CYP2D6: variants seen among roughly 807,000 people sequenced by gnomAD.
The protein encoded by CYP2D6 is cytochrome P450 family 2 subfamily D member 6 (gene/pseudogene).
In CYP2D6, 51 loss-of-function variants were observed where a neutral mutation model predicts 43.5. The observed-to-expected ratio is 1.17, with a 90% CI of 0.94 to 1.48. The LOEUF (loss-of-function observed/expected upper bound fraction) is 1.48. CYP2D6 is among the 40% of genes most tolerant of loss of function. The pLI, the probability that CYP2D6 is intolerant of heterozygous loss-of-function variation, is 0.00. For synonymous variants in CYP2D6, 346 were observed against 297.1 expected (o/e 1.16, Z -1.69); for missense variants, 698 against 688.0 (o/e 1.01, Z -0.16).
rs752195166 is a variant in CYP2D6 at position 42,128,977 on chromosome 22, T to G, written c.506-33A>C. The stretch of plus-strand genomic sequence containing the variant: ...TGGGAGATGCGGGTAAGGGGTCGCC[T>G]TCCCCGTCCCCCGCCTTCCCAGTTC... On this transcript the variant is annotated intron_variant, in intron 3 of 8. Coordinates refer to ENST00000645361, the MANE Select transcript of CYP2D6 (RefSeq NM_000106.6). The G allele has an allele frequency of 1.6e-5, 25 of 1,583,862 alleles. No homozygotes were observed. The South Asian group carries it at 1.6e-4, about 10-fold the overall frequency.
intron 7 of CYP2D6, 75 bp downstream of exon 7, chr22:42,127,372 C>T (rs1931089200): frequency 7.4e-7 from 1 of 1,342,296 alleles, no homozygotes; most frequent in Non-Finnish European, 1.1e-6. Flanking sequence ...AGAGTGGGCC[C>T]ACCTGGCAGT....
rs764192883 is a variant in CYP2D6, at chr22:42,129,820, C to A, written c.270G>T (p.Ala90=). The A allele has an allele frequency of 1.2e-6, 2 of 1,602,272 alleles. 1 individual carries two copies. Among genetic ancestry groups the A allele is most frequent in the South Asian group, 2.2e-5 (2 of 90,680 alleles). The change falls in exon 2 of 9, where the codon GCG becomes GCT. Residue 90 remains alanine, a synonymous_variant. Transcript: ENST00000645361. ...CGGTGTCCTCGCCGTGGGTCACCAG[C>A]GCCTCGCGCACGGCCGCCAGCCCAT... The part of the protein sequence containing the change: ...VLNGLAAVRE[A]LVTHGEDTAD...
At position 42,128,198 on chromosome 22, in the gene CYP2D6, C is replaced by T. The variant is rs79441454; in HGVS notation, c.819G>A (p.Glu273=). ...DPAQPPRDLT[E]AFLAEMEKAK... ...CCTTCTCCATCTCTGCCAGGAAGGCCTCAGTCAGGTCTCGGGGGGGCTGGG... is the reference window on the plus strand; with the variant it reads ...CCTTCTCCATCTCTGCCAGGAAGGCTTCAGTCAGGTCTCGGGGGGGCTGGG... Residue 273 remains glutamate (E), a synonymous_variant, in exon 5 of 9, where the codon GAG becomes GAA. Coordinates refer to ENST00000645361, the MANE Select transcript of CYP2D6 (RefSeq NM_000106.6). The T allele has an allele frequency of 8.7e-6, 14 of 1,608,802 alleles. No homozygotes were observed. Among genetic ancestry groups the T allele is most frequent in the Middle Eastern group, 1.6e-4 (1 of 6,074 alleles).
At chr22:42,129,523 G>A (rs1931668197) in intron 2 of CYP2D6, 3 of 753,628 alleles carry the variant, frequency 4.0e-6, no homozygotes, top group African/African-American at 1.7e-5. Flanking sequence ...TTGGGCTCCT[G>A]CCAGGTCTCG....
chr22:42,128,042 A>C lies in CYP2D6; in HGVS notation c.844-59T>G, dbSNP rs971733628. The C allele has an allele frequency of 3.0e-5, 48 of 1,607,670 alleles. 4 individuals carry two copies. In the African/African-American group the frequency reaches 6.3e-4, roughly 21 times the overall value. Reference sequence around the variant, plus strand: ...CGGGGTAGCCCCCAAATGACCTCCAATTCTGCACCTGTCAGCCCAGATGCG... The same window carrying C: ...CGGGGTAGCCCCCAAATGACCTCCACTTCTGCACCTGTCAGCCCAGATGCG... On this transcript the variant is annotated intron_variant, in intron 5 of 8. Coordinates refer to ENST00000645361, the MANE Select transcript of CYP2D6 (RefSeq NM_000106.6).
Position 42,126,615 on chromosome 22 carries a change from C to G in CYP2D6, c.1453G>C (p.Val485Leu), listed in dbSNP as rs147943410. 64 of 1,607,748 alleles carry G rather than the reference C, an allele frequency of 4.0e-5. 1 individual carries two copies. The highest frequency in any genetic ancestry group is 5.3e-5 in the Non-Finnish European group (62 of 1,176,830). Residue 485 changes from valine (V) to leucine (L), a missense_variant, in exon 9 of 9, where the codon GTG (valine) becomes CTG (leucine). Physicochemically the swap from Val to Leu is conservative, Grantham distance 32. This residue lies in a region of CYP2D6 where 85 missense variants were observed against 81.2 expected (regional missense o/e 1.05). Coordinates refer to ENST00000645361, the MANE Select transcript of CYP2D6 (RefSeq NM_000106.6). ...CAAAGCTCATAGGGGGATGGGCTCA[C>G]CAGGAAAGCAAAGACACCATGGTGG... ...PSHHGVFAFL[V>L]SPSPYELCAV...
Position 42,129,173 on chromosome 22 carries a change from G to T in CYP2D6, c.365C>A (p.Ala122Glu), listed in dbSNP as rs377591409. The T allele has an allele frequency of 6.2e-7, 1 of 1,605,376 alleles. No homozygotes were observed. Among genetic ancestry groups the T allele is most frequent in the Admixed American group, 1.7e-5 (1 of 59,888 alleles). ...FGPRSQGVFL[A>E]RYGPAWREQR... Reference sequence around the variant, plus strand: ...CTCGCGCCACGCGGGCCCATAGCGCGCCAGGAACACCCCTGGGGGTGGGAC... The same window carrying T: ...CTCGCGCCACGCGGGCCCATAGCGCTCCAGGAACACCCCTGGGGGTGGGAC... The change falls in exon 3 of 9, where the codon GCG (alanine) becomes GAG (glutamate). Residue 122 changes from alanine to glutamate, a missense_variant. Transcript: ENST00000645361.
Position 42,126,502 on chromosome 22 carries a change from G to C in CYP2D6, c.*72C>G, listed in dbSNP as rs1324973158. On this transcript the variant is annotated 3_prime_UTR_variant, in exon 9 of 9. Coordinates refer to ENST00000645361, the MANE Select transcript of CYP2D6 (RefSeq NM_000106.6). ...GGGCGTGAGCAGGGGACCCGAGTTG[G>C]AACTACCACATTGCTTTATTGTACA... The C allele has an allele frequency of 6.1e-6, 9 of 1,485,960 alleles. No homozygotes were observed. In the Admixed American group the frequency reaches 1.6e-4, roughly 26 times the overall value. 92.0% of individuals were successfully genotyped at this position (1,485,960 alleles called of 1,614,324 possible). A position where few individuals can be genotyped will look rare whatever the true frequency, so the allele number is the denominator to read the frequency against.
chr22:42,129,654 C>G (rs764004312), intron 2 of CYP2D6, 84 bp downstream of exon 2: 2 of 1,561,614 alleles, frequency 1.3e-6, no homozygotes, highest in Non-Finnish European at 1.8e-6. Context: ...TCCACGACCC[C>G]GCGCCCTCTC....
At chr22:42,129,456 TC>T in intron 2 of CYP2D6, 2 of 730,410 alleles carry the variant, frequency 2.7e-6, no homozygotes, top group Non-Finnish European at 4.8e-6. Context: ...ACAGGTGCGG[TC>T]CCCGCCCCCC....
chr22:42,127,843 C>T lies in CYP2D6; in HGVS notation c.984G>A (p.Gln328=), dbSNP rs1226011487. 1 of 1,611,036 alleles carries T rather than the reference C, an allele frequency of 6.2e-7. No individual in the cohort carries two copies. The highest frequency in any genetic ancestry group is 1.7e-5 in the Admixed American group (1 of 59,904). Reference sequence around the variant, plus strand: ...GCACTGTTTCCCAGATGGGCTCACGCTGCACATCCGGATGTAGGATCATGA... The same window carrying T: ...GCACTGTTTCCCAGATGGGCTCACGTTGCACATCCGGATGTAGGATCATGA... ...LLLMILHPDV[Q]RRVQQEIDDV... is the part of the protein sequence containing the mutation. The change falls in exon 6 of 9, where the codon CAG becomes CAA. Residue 328 remains glutamine (Q), a splice_region_variant and synonymous_variant. Transcript: ENST00000645361.
At chr22:42,129,012 G>C (rs1309804146) in intron 3 of CYP2D6, 21 bp downstream of exon 3, 1 of 1,600,150 alleles carries the variant, frequency 6.2e-7, no homozygotes, top group Non-Finnish European at 8.5e-7. Context: ...CCCGCTTTGT[G>C]CCCTTCTGCC....
At chr22:42,129,581 T>C (rs1170216892) in intron 2 of CYP2D6, among the ~76,000 whole-genome samples, 157 bp downstream of exon 2, 1 of 151,298 alleles carries the variant, frequency 6.6e-6, no homozygotes, top group South Asian at 2.1e-4. Flanking sequence ...GTCCCCATGC[T>C]CACACCTCCC....
In CYP2D6 at chr22:42,126,684, G is replaced by T; in HGVS notation, c.1384C>A (p.Gln462Lys). Residue 462 changes from glutamine to lysine, a missense_variant, in exon 9 of 9, where the codon CAG becomes AAG. Coordinates refer to ENST00000645361, the MANE Select transcript of CYP2D6 (RefSeq NM_000106.6). ...ELFLFFTSLLQHFSFSVPTGQ... is the reference protein window; with the variant it reads ...ELFLFFTSLLKHFSFSVPTGQ... ...GTGGGCACCGAGAAGCTGAAGTGCTGCAGCAGGGAGGTGAAGAAGAGGAAG... is the reference window on the plus strand; with the variant it reads ...GTGGGCACCGAGAAGCTGAAGTGCTTCAGCAGGGAGGTGAAGAAGAGGAAG... 6.2e-7 allele frequency: 1 copy of T among 1,601,590 alleles called. No homozygotes were observed. The highest frequency in any genetic ancestry group is 8.5e-7 in the Non-Finnish European group (1 of 1,174,322).
At chr22:42,128,968 G>C (rs754171670) in intron 3 of CYP2D6, 24 bp from the exon 4 acceptor site, 19 of 1,582,996 alleles carry the variant, frequency 1.2e-5, no homozygotes, top group Non-Finnish European at 1.6e-5. Flanking sequence ...ATGCGGGTAA[G>C]GGGTCGCCTT....
At position 42,126,687 on chromosome 22, in the gene CYP2D6, G is replaced by A; in HGVS notation, c.1381C>T (p.Leu461=). The A allele has an allele frequency of 6.2e-7, 1 of 1,600,034 alleles. No homozygotes were observed. The highest frequency in any genetic ancestry group is 1.4e-5 in the African/African-American group (1 of 73,888). The change falls in exon 9 of 9, where the codon CTG becomes TTG. Residue 461 remains leucine, a synonymous_variant. Coordinates refer to ENST00000645361, the MANE Select transcript of CYP2D6 (RefSeq NM_000106.6). ...GGCACCGAGAAGCTGAAGTGCTGCA[G>A]CAGGGAGGTGAAGAAGAGGAAGAGC... is the stretch of plus-strand genomic sequence containing the variant. The part of the protein sequence containing the change: ...MELFLFFTSL[L]QHFSFSVPTG...
rs759631541 is a variant in CYP2D6 at position 42,126,690 on chromosome 22, G to C, written c.1378C>G (p.Leu460Val). The change falls in exon 9 of 9, where the codon CTG becomes GTG. Residue 460 changes from leucine to valine, a missense_variant. Physicochemically the swap from Leu to Val is conservative, Grantham distance 32 (BLOSUM62 1). This residue lies in a region of CYP2D6 where 85 missense variants were observed against 81.2 expected (regional missense o/e 1.05). Transcript: ENST00000645361. ...ACCGAGAAGCTGAAGTGCTGCAGCA[G>C]GGAGGTGAAGAAGAGGAAGAGCTCC... ...RMELFLFFTSLLQHFSFSVPT... is the reference protein window; with the variant it reads ...RMELFLFFTSVLQHFSFSVPT... 103 of 1,598,300 alleles carry C rather than the reference G, an allele frequency of 6.4e-5. No individual in the cohort carries two copies. Among genetic ancestry groups the C allele is most frequent in the Non-Finnish European group, 8.5e-5 (100 of 1,172,896 alleles).
In CYP2D6 at chr22:42,130,707, A is replaced by C. The variant is rs1276203971; in HGVS notation, c.85T>G (p.Trp29Gly). The stretch of plus-strand genomic sequence containing the variant: ...GGGCCTGGTGGGTAGCGTGCAGCCC[A>C]GCGTTGGCGCCGGTGCATCAGGTCC... ...LVDLMHRRQR[W>G]AARYPPGPLP... The change falls in exon 1 of 9, where the codon TGG (tryptophan) becomes GGG (glycine). Residue 29 changes from tryptophan (W) to glycine (G), a missense_variant. Around this residue, in one of 5 missense-constraint regions of CYP2D6, gnomAD observed 588 missense variants for 521.1 expected, o/e 1.13. Coordinates refer to ENST00000645361, the MANE Select transcript of CYP2D6 (RefSeq NM_000106.6). 6.2e-7 allele frequency: 1 copy of C among 1,604,566 alleles called. No individual in the cohort carries two copies. Among genetic ancestry groups the C allele is most frequent in the Non-Finnish European group, 8.5e-7 (1 of 1,175,228 alleles).
Position 42,129,786 on chromosome 22 carries a change from G to T in CYP2D6, c.304C>A (p.Pro102Thr). The change falls in exon 2 of 9, where the codon CCG becomes ACG. Residue 102 changes from proline (P) to threonine (T), a missense_variant. By Grantham distance (38) the Pro-to-Thr change is conservative. Coordinates refer to ENST00000645361, the MANE Select transcript of CYP2D6 (RefSeq NM_000106.6). ...VTHGEDTADRPPVPITQILGF... is the reference protein window; with the variant it reads ...VTHGEDTADRTPVPITQILGF... ...AGGATCTGGGTGATGGGCACAGGCG[G>T]GCGGTCGGCGGTGTCCTCGCCGTGG... 1 of 1,608,166 alleles carries T rather than the reference G, an allele frequency of 6.2e-7. No individual in the cohort carries two copies.
Sources: allele counts gnomAD v4.1 joint callset (sites outside exome capture counted in the v4.1 genomes callset), GRCh38; gene constraint gnomAD v4.1.1; regional missense constraint gnomAD v4.1.1; transcripts MANE v1.5; gene names NCBI Gene and HGNC (gene_info 2026-07-23, HGNC 2026-07-21).